PLXNC1: variants seen among roughly 807,000 people sequenced by gnomAD.
The protein encoded by PLXNC1 is plexin C1, also known as plexin-C1.
PLXNC1 carries 75 observed loss-of-function variants against 178.2 expected under a neutral mutation model. The observed-to-expected ratio is 0.42, with a 90% confidence interval of 0.35 to 0.51. PLXNC1 has a LOEUF of 0.51. PLXNC1 is among the 20% of genes least tolerant of loss of function. PLXNC1 has a pLI of 0.02. For synonymous variants in PLXNC1, 790 were observed against 779.9 expected (o/e 1.01, Z -0.22); for missense variants, 1,503 against 1,984.4 (o/e 0.76, Z 4.61).
chr12:94,209,537 T>C, intron 4 of PLXNC1, 53 bp from the exon 5 acceptor site: 1 of 1,026,636 alleles, frequency 9.7e-7, no homozygotes, highest in Non-Finnish European at 1.5e-6. Context: ...ATGGGGTCGC[T>C]GTTTTAACTA....
At chr12:94,256,338 G>A (rs1031402656) in intron 17 of PLXNC1, 19 of 152,236 alleles carry the variant, frequency 1.2e-4, no homozygotes, top group African/African-American at 3.9e-4. Flanking sequence ...TATGTAATGC[G>A]GGGTCTGGAG....
chr12:94,149,722 T>C lies in PLXNC1; in HGVS notation c.751T>C (p.Tyr251His), dbSNP rs1180816002. ...NGSIYFPYYP[Y>H]NYTSGAATGW... Reference sequence around the variant, plus strand: ...CAGCATCTACTTCCCCTACTACCCCTACAACTACACGAGCGGCGCTGCCAC... The same window carrying C: ...CAGCATCTACTTCCCCTACTACCCCCACAACTACACGAGCGGCGCTGCCAC... The change falls in exon 1 of 31, where the codon TAC (tyrosine) becomes CAC (histidine). Residue 251 changes from tyrosine (Y) to histidine (H), a missense_variant. By Grantham distance (83) the Tyr-to-His change is moderately conservative. This residue lies in a region of PLXNC1 where 615 missense variants were observed against 698.6 expected (regional missense o/e 0.88). Transcript: ENST00000258526. 1.2e-6 allele frequency: 2 copies of C among 1,612,186 alleles called. No homozygotes were observed. Among genetic ancestry groups the C allele is most frequent in the South Asian group, 2.2e-5 (2 of 90,906 alleles).
Position 94,279,672 on chromosome 12 carries a change from T to C in PLXNC1, c.3775+23T>C, listed in dbSNP as rs752207215. On this transcript the variant is annotated intron_variant, in intron 22 of 30. Transcript: ENST00000258526. ...TTGGTAAGGCGGTGCGGGAGCTATG[T>C]GGTCCCAGGCCCTGATGAGTGTCCC... 8.1e-6 allele frequency: 13 copies of C among 1,609,434 alleles called. No homozygotes were observed. The South Asian group carries it at 1.4e-4, about 18-fold the overall frequency.
At position 94,243,995 on chromosome 12, in the gene PLXNC1, C is replaced by A; in HGVS notation, c.2358C>A (p.Ile786=). The A allele has an allele frequency of 1.3e-6, 2 of 1,594,326 alleles. No homozygotes were observed. The highest frequency in any genetic ancestry group is 1.1e-5 in the South Asian group (1 of 90,080). ...ATTTTGATGTAATTGACAACTTAAT[C>A]ATTTCACATGAATTAAAAGGAAACA... ...GRNFDVIDNL[I]ISHELKGNIN... The change falls in exon 12 of 31, where the codon ATC becomes ATA. Residue 786 remains isoleucine (I), a synonymous_variant. Transcript: ENST00000258526.
chr12:94,178,759 T>A (rs1384967575), intron 2 of PLXNC1, among the ~76,000 whole-genome samples: 5 of 152,242 alleles, frequency 3.3e-5, no homozygotes, highest in African/African-American at 1.2e-4. Context: ...TTTAATTAAA[T>A]GTAAATTTTT....
chr12:94,237,206 A>G (rs1428452368), intron 9 of PLXNC1, among the ~76,000 whole-genome samples: 4 of 152,232 alleles, frequency 2.6e-5, no homozygotes, highest in Non-Finnish European at 5.9e-5. Context: ...ACTGTAACAA[A>G]AATATGACTG....
intron 7 of PLXNC1, among the ~76,000 whole-genome samples, chr12:94,224,923 G>C (rs11107460): frequency 0.2 from 30,936 of 152,040 alleles, 3,366 homozygotes; most frequent in East Asian, 0.32. Context: ...AAGGAGCGCT[G>C]CTAGGTTCTC....
chr12:94,189,241 A>G (rs1962632879), intron 4 of PLXNC1, among the ~76,000 whole-genome samples: 2 of 152,220 alleles, frequency 1.3e-5, no homozygotes, highest in Admixed American at 6.5e-5. Context: ...CTGAGGGAGC[A>G]TGTAAGGAAT....
intron 4 of PLXNC1, among the ~76,000 whole-genome samples, chr12:94,198,119 A>G (rs1296087859): frequency 6.6e-6 from 1 of 152,226 alleles, no homozygotes; most frequent in Non-Finnish European, 1.5e-5. Context: ...AAGACATGGA[A>G]TCAACCCAAA....
intron 6 of PLXNC1, among the ~76,000 whole-genome samples, chr12:94,223,124 A>G (rs987748240): frequency 2.6e-5 from 4 of 151,976 alleles, no homozygotes; most frequent in African/African-American, 9.7e-5. Context: ...TTTAAAAAGC[A>G]CCCTCTCGGC....
chr12:94,304,478 C>G (rs1038041025), intron 30 of PLXNC1, among the ~76,000 whole-genome samples: 2 of 152,146 alleles, frequency 1.3e-5, no homozygotes, highest in Non-Finnish European at 2.9e-5. Context: ...TTTCAATAAA[C>G]CATTCTCCTT....
At position 94,240,607 on chromosome 12, in the gene PLXNC1, T is replaced by A; in HGVS notation, c.2243T>A (p.Leu748Ter). Residue 748 changes from leucine (L) to a stop codon, truncating the protein, a stop_gained, in exon 11 of 31, where the codon TTA (leucine) becomes TAA (stop). Coordinates refer to ENST00000258526, the MANE Select transcript of PLXNC1 (RefSeq NM_005761.3). LOFTEE classifies it high-confidence loss of function. Reference protein sequence around the residue: ...DGGNCSSVGSLSYIALPHCSL... With the variant: ...DGGNCSSVGS Reference sequence around the variant, plus strand: ...GGGAACTGCTCTTCTGTGGGATCCTTATCCTACATTGCTCTGCCACATTGT... The same window carrying A: ...GGGAACTGCTCTTCTGTGGGATCCTAATCCTACATTGCTCTGCCACATTGT... 1 of 1,613,318 alleles carries A rather than the reference T, an allele frequency of 6.2e-7. No individual in the cohort carries two copies. The highest frequency in any genetic ancestry group is 8.5e-7 in the Non-Finnish European group (1 of 1,179,202).
chr12:94,183,442 T>A (rs1403832866), intron 3 of PLXNC1, among the ~76,000 whole-genome samples: 1 of 152,214 alleles, frequency 6.6e-6, no homozygotes, highest in East Asian at 1.9e-4. Context: ...TTTGAAAGAC[T>A]TTTGTCTACC....
intron 2 of PLXNC1, among the ~76,000 whole-genome samples, chr12:94,172,779 T>A (rs1961894565): frequency 6.6e-6 from 1 of 152,238 alleles, no homozygotes; most frequent in Non-Finnish European, 1.5e-5. Context: ...GGATCACTTT[T>A]AAAGTATCTT....
intron 23 of PLXNC1, among the ~76,000 whole-genome samples, chr12:94,287,969 C>A (rs1966878002): frequency 6.6e-6 from 1 of 152,210 alleles, no homozygotes; most frequent in South Asian, 2.1e-4. Flanking sequence ...TGGCCAGAGT[C>A]ACAGAGTTCC....
In PLXNC1 at chr12:94,164,448, C is replaced by CCCGAAA. The variant is rs35652125; in HGVS notation, c.1063-4704_1063-4703insCGAAAC. Reference sequence around the variant, plus strand: ...CTGGAGCATGGCTGTGAGCACCCTGCCTCGATGAGCCGGGCCATCTTTCAC... The same window carrying CCCGAAA: ...CTGGAGCATGGCTGTGAGCACCCTGCCCGAAACTCGATGAGCCGGGCCATCTTTCAC... On this transcript the variant is annotated intron_variant, in intron 1 of 30. Transcript: ENST00000258526. Among the ~76,000 whole-genome samples, 12 of 2,784 alleles carry CCCGAAA rather than the reference C, an allele frequency of 4.3e-3. No individual in the cohort carries two copies. In the East Asian group the frequency reaches 0.45, roughly 104 times the overall value. The allele number at this position is 2,784 out of a possible 152,430, so 1.8% of individuals were successfully genotyped here.
At chr12:94,259,901 A>G (rs1964948597) in intron 19 of PLXNC1, among the ~76,000 whole-genome samples, 167 bp downstream of exon 19, 1 of 69,692 alleles carries the variant, frequency 1.4e-5, no homozygotes, top group African/African-American at 7.4e-5. Context: ...TGTCTCTACA[A>G]AAAAAAAAAA....
intron 2 of PLXNC1, among the ~76,000 whole-genome samples, chr12:94,181,221 AACCCCATCTCT>A (rs569339433): frequency 1.1e-3 from 164 of 151,982 alleles, no homozygotes; most frequent in African/African-American, 3.9e-3. Flanking sequence ...AACGTAGTGA[AACCCCATCTCT>A]ACTAAAAAAA....
At chr12:94,176,305 A>G (rs1962047280) in intron 2 of PLXNC1, 1 of 152,166 alleles carries the variant, frequency 6.6e-6, no homozygotes, top group South Asian at 2.1e-4. Context: ...GAAGTTTGCA[A>G]TTAGAAAGTC....
Sources: allele counts gnomAD v4.1 joint callset (sites outside exome capture counted in the v4.1 genomes callset), GRCh38; gene constraint gnomAD v4.1.1; regional missense constraint gnomAD v4.1.1; transcripts MANE v1.5; gene names NCBI Gene and HGNC (gene_info 2026-07-23, HGNC 2026-07-21).